The following TMEM131L variants were observed in gnomAD, a reference collection of about 807,000 sequenced individuals.
TMEM131L encodes transmembrane 131 like.
Under a neutral mutation model 192.2 loss-of-function variants are expected in TMEM131L, and 54 were observed. The observed-to-expected ratio is 0.28, with a 90% CI of 0.23 to 0.35. The LOEUF (loss-of-function observed/expected upper bound fraction) is 0.35. TMEM131L is among the 10% of genes least tolerant of loss of function. The pLI, the probability that TMEM131L is intolerant of heterozygous loss-of-function variation, is 1.00. For synonymous variants in TMEM131L, 701 were observed against 704.9 expected, an observed-to-expected ratio of 0.99 and a Z score of 0.09; for missense variants, 1,888 against 1,972.9, an observed-to-expected ratio of 0.96 and a Z score of 0.82.
At chr4:153,587,043 T>C (rs968428642) in intron 14 of TMEM131L, among the ~76,000 whole-genome samples, 5 of 152,198 alleles carry the variant, frequency 3.3e-5, no homozygotes, top group Non-Finnish European at 5.9e-5. Context: ...TTCTCACTTA[T>C]AGTGTGGATC....
At chr4:153,501,947 T>TTTG (rs1278191582) in intron 3 of TMEM131L, among the ~76,000 whole-genome samples, 1 of 148,840 alleles carries the variant, frequency 6.7e-6, no homozygotes, top group Non-Finnish European at 1.5e-5. Context: ...CAAAGGGTTT[T>TTTG]TTTTTTTTTT....
intron 2 of TMEM131L, among the ~76,000 whole-genome samples, chr4:153,468,371 A>C (rs943720380): frequency 4.7e-5 from 7 of 150,252 alleles, no homozygotes; most frequent in Non-Finnish European, 1.0e-4. Context: ...AGGTCTTTTG[A>C]GAAAGGGCCC....
intron 3 of TMEM131L, among the ~76,000 whole-genome samples, chr4:153,492,714 T>C (rs1732872744): frequency 6.6e-6 from 1 of 152,250 alleles, no homozygotes; most frequent in African/African-American, 2.4e-5. Flanking sequence ...TGACTTGGGC[T>C]ACACTTAAAG....
chr4:153,478,080 T>C (rs1395701924), intron 3 of TMEM131L, among the ~76,000 whole-genome samples: 1 of 152,202 alleles, frequency 6.6e-6, no homozygotes, highest in Non-Finnish European at 1.5e-5. Flanking sequence ...TATTCCAGTA[T>C]TTTGCTATTT....
chr4:153,546,058 T>TTA (rs1032262894), intron 3 of TMEM131L, among the ~76,000 whole-genome samples: 24 of 148,718 alleles, frequency 1.6e-4, no homozygotes, highest in Non-Finnish European at 5.9e-5. Context: ...AATATATATG[T>TTA]TATATATATA....
At chr4:153,533,388 G>C (rs1205690560) in intron 3 of TMEM131L, among the ~76,000 whole-genome samples, 2 of 152,204 alleles carry the variant, frequency 1.3e-5, no homozygotes, top group East Asian at 3.8e-4. Context: ...CAGTGGCGGA[G>C]GGGAGGCTGC....
In TMEM131L at chr4:153,612,395, G is replaced by A. The variant is rs150625995; in HGVS notation, c.3562G>A (p.Val1188Ile). ...TTCTGAGAAACAGGACATACCTTTC[G>A]TAGAGGTCTGTATTTTTTTTCTTGC... ...MFSEKQDIPFVEQEDPYRKKK... is the reference protein window; with the variant it reads ...MFSEKQDIPFIEQEDPYRKKK... Residue 1188 changes from valine to isoleucine, a missense_variant, in exon 26 of 35, where the codon GTA becomes ATA. Val to Ile is a conservative substitution (Grantham distance 29). Coordinates refer to ENST00000409959, the MANE Select transcript of TMEM131L (RefSeq NM_001131007.2). 3.3e-5 allele frequency: 52 copies of A among 1,585,348 alleles called. No homozygotes were observed. The highest frequency in any genetic ancestry group is 1.4e-4 in the East Asian group (6 of 44,156).
chr4:153,564,936 A>G (rs1199318444), intron 7 of TMEM131L, among the ~76,000 whole-genome samples: 2 of 152,186 alleles, frequency 1.3e-5, no homozygotes, highest in African/African-American at 4.8e-5. Context: ...CTCTGGCCTC[A>G]CAGACCTTTC....
intron 7 of TMEM131L, among the ~76,000 whole-genome samples, chr4:153,569,153 T>C (rs1729417250): frequency 6.6e-6 from 1 of 152,136 alleles, no homozygotes; most frequent in African/African-American, 2.4e-5. Flanking sequence ...AGGACAGTAG[T>C]GTTTAGGGAA....
chr4:153,617,261 C>T (rs1578874852), intron 26 of TMEM131L, among the ~76,000 whole-genome samples: 2 of 152,188 alleles, frequency 1.3e-5, no homozygotes, highest in South Asian at 4.1e-4. Flanking sequence ...GATTGTGAGG[C>T]CTCCCTAGCC....
At chr4:153,541,874 GT>G (rs1736806720) in intron 3 of TMEM131L, among the ~76,000 whole-genome samples, 2 of 152,218 alleles carry the variant, frequency 1.3e-5, no homozygotes, top group African/African-American at 4.8e-5. Flanking sequence ...TACTGCTGTG[GT>G]CCCCCAGGAC....
intron 7 of TMEM131L, among the ~76,000 whole-genome samples, chr4:153,563,956 A>G (rs1729019686): frequency 6.6e-6 from 1 of 152,028 alleles, no homozygotes; most frequent in South Asian, 2.1e-4. Context: ...TGACCAGGTC[A>G]TGAGGAGGGG....
intron 34 of TMEM131L, among the ~76,000 whole-genome samples, chr4:153,635,972 C>G (rs1218968432): frequency 2.6e-5 from 4 of 152,122 alleles, no homozygotes; most frequent in Non-Finnish European, 5.9e-5. Context: ...CCAGAGCTCC[C>G]TGCCTGTGAG....
intron 3 of TMEM131L, among the ~76,000 whole-genome samples, chr4:153,495,595 TAAAC>T (rs1733120200): frequency 6.6e-6 from 1 of 152,190 alleles, no homozygotes; most frequent in Non-Finnish European, 1.5e-5. Flanking sequence ...CATTTTTACA[TAAAC>T]AATAGGTCAG....
At chr4:153,544,872 G>A (rs866456829) in intron 3 of TMEM131L, among the ~76,000 whole-genome samples, 8 of 152,168 alleles carry the variant, frequency 5.3e-5, no homozygotes, top group East Asian at 1.9e-4. Context: ...ACCTGCCTCC[G>A]TGCAGCTGAG....
At chr4:153,498,715 G>A (rs1733371959) in intron 3 of TMEM131L, among the ~76,000 whole-genome samples, 1 of 152,182 alleles carries the variant, frequency 6.6e-6, no homozygotes, top group South Asian at 2.1e-4. Flanking sequence ...GCCCTACTGA[G>A]CAAGGCTGGC....
At chr4:153,622,464 C>T (rs563945017) in intron 28 of TMEM131L, among the ~76,000 whole-genome samples, 3 of 152,198 alleles carry the variant, frequency 2.0e-5, no homozygotes, top group Admixed American at 1.3e-4. Flanking sequence ...TCCCTTGACA[C>T]GTGTGTGTTG....
intron 18 of TMEM131L, among the ~76,000 whole-genome samples, chr4:153,592,890 C>T (rs1277250203): frequency 6.6e-6 from 1 of 152,190 alleles, no homozygotes; most frequent in African/African-American, 2.4e-5. Context: ...TTTAGACTCA[C>T]AATCATGGTG....
At position 153,483,313 on chromosome 4, in the gene TMEM131L, C is replaced by T. The variant is rs1414165150; in HGVS notation, c.239+9425C>T. Among the ~76,000 whole-genome samples the T allele has an allele frequency of 2.6e-5, 4 of 152,314 alleles. No homozygotes were observed. The East Asian group carries it at 7.7e-4, about 29-fold the overall frequency. On this transcript the variant is annotated intron_variant, in intron 3 of 34. Coordinates refer to ENST00000409959, the MANE Select transcript of TMEM131L (RefSeq NM_001131007.2). ...TCAGTGGCTTGACTATTTATTGCTA[C>T]ATGTCATAATATTTAACAGTAAAAT... is the stretch of plus-strand genomic sequence containing the variant.
Sources: gnomAD v4.1 joint callset for allele counts (sites outside exome capture counted in the v4.1 genomes callset) on GRCh38, gnomAD v4.1.1 for gene constraint, MANE v1.5 for transcripts, NCBI Gene and HGNC (gene_info 2026-07-23, HGNC 2026-07-21) for gene names.